Variants in ODAD2 observed in about 807,000 individuals in gnomAD.
ODAD2 encodes the protein outer dynein arm-docking complex subunit 2.
In ODAD2, 89 loss-of-function variants were observed where a neutral mutation model predicts 106.8. The ratio of observed to expected loss-of-function variants is 0.83; its 90% CI spans 0.70 to 0.99. The LOEUF is 0.99. Among genes scored for constraint, ODAD2 ranks in the 50% least tolerant of loss-of-function variants. The pLI is 0.00. For synonymous variants in ODAD2, 404 were observed against 436.2 expected (o/e 0.93, Z 0.92); for missense variants, 1,168 against 1,238.5 (o/e 0.94, Z 0.85).
intron 17 of ODAD2, among the ~76,000 whole-genome samples, chr10:27,907,219 T>C (rs143554548): frequency 2.0e-5 from 3 of 152,284 alleles, no homozygotes; most frequent in African/African-American, 4.8e-5. Context: ...GTGAGAGTCA[T>C]TGAAATCATG....
At chr10:27,894,704 G>A (rs939176864) in intron 17 of ODAD2, among the ~76,000 whole-genome samples, 1 of 150,306 alleles carries the variant, frequency 6.7e-6, no homozygotes, top group South Asian at 2.1e-4. Flanking sequence ...AGTCTCCAGA[G>A]TAGCTGGGAC....
At chr10:27,885,997 CAGA>C (rs1034900907) in intron 17 of ODAD2, among the ~76,000 whole-genome samples, 8 of 143,266 alleles carry the variant, frequency 5.6e-5, no homozygotes, top group East Asian at 2.0e-4. Context: ...GATATAACAG[CAGA>C]AGAAGAAGTC....
chr10:27,843,314 T>G (rs949259301), intron 19 of ODAD2, among the ~76,000 whole-genome samples: 1 of 152,240 alleles, frequency 6.6e-6, no homozygotes, highest in Non-Finnish European at 1.5e-5. Context: ...TCAATAGTAA[T>G]GTACAAACCA....
chr10:27,919,351 C>T (rs112023424), intron 16 of ODAD2, among the ~76,000 whole-genome samples: 2 of 152,118 alleles, frequency 1.3e-5, no homozygotes, highest in African/African-American at 4.8e-5. Flanking sequence ...TGACCTTCCT[C>T]ATATTAAAGG....
chr10:27,859,210 A>G (rs1839871397), intron 19 of ODAD2, among the ~76,000 whole-genome samples: 1 of 152,078 alleles, frequency 6.6e-6, no homozygotes. Context: ...CTTGAAGTTA[A>G]TGGTCCAATA....
chr10:27,998,495 G>C (rs1850689946), intron 1 of ODAD2, among the ~76,000 whole-genome samples: 1 of 152,118 alleles, frequency 6.6e-6, no homozygotes, highest in Admixed American at 6.5e-5. Flanking sequence ...GGAGAGGCAG[G>C]GAAGCGGCGG....
intron 8 of ODAD2, among the ~76,000 whole-genome samples, chr10:27,969,620 C>G (rs1848702822): frequency 6.6e-6 from 1 of 152,250 alleles, no homozygotes; most frequent in Non-Finnish European, 1.5e-5. Context: ...GAGCCAGTGT[C>G]TCCCCTCTCC....
intron 17 of ODAD2, among the ~76,000 whole-genome samples, chr10:27,878,077 G>T (rs1841463984): frequency 6.6e-6 from 1 of 151,972 alleles, no homozygotes; most frequent in Non-Finnish European, 1.5e-5. Flanking sequence ...AGAATCAAAA[G>T]AACCTTCACT....
At chr10:27,859,481 T>C (rs1839892330) in intron 19 of ODAD2, among the ~76,000 whole-genome samples, 1 of 152,164 alleles carries the variant, frequency 6.6e-6, no homozygotes, top group African/African-American at 2.4e-5. Flanking sequence ...GTACTATTCC[T>C]CCTAAGATGT....
At chr10:27,962,350 T>C (rs1409160861) in intron 9 of ODAD2, among the ~76,000 whole-genome samples, 2 of 152,246 alleles carry the variant, frequency 1.3e-5, no homozygotes, top group Non-Finnish European at 2.9e-5. Context: ...AAGTGCTCAA[T>C]GGCCCACGTG....
chr10:27,974,557 T>C (rs554730192), intron 7 of ODAD2, among the ~76,000 whole-genome samples: 6 of 152,284 alleles, frequency 3.9e-5, no homozygotes, highest in Middle Eastern at 3.4e-3. Context: ...GCCTTGTTTC[T>C]GGGCTCTCTA....
intron 19 of ODAD2, chr10:27,813,414 C>A (rs372760977): frequency 7.2e-4 from 110 of 152,312 alleles, no homozygotes; most frequent in African/African-American, 2.6e-3. Context: ...TGGCTTAATG[C>A]TTTCTGTCCT....
At chr10:27,872,841 G>C (rs566226243) in intron 17 of ODAD2, among the ~76,000 whole-genome samples, 1 of 152,244 alleles carries the variant, frequency 6.6e-6, no homozygotes, top group East Asian at 1.9e-4. Flanking sequence ...TCTCTGCCAG[G>C]CTTTGGTATC....
intron 17 of ODAD2, chr10:27,904,346 C>A: frequency 3.5e-6 from 1 of 289,152 alleles, no homozygotes; most frequent in Non-Finnish European, 7.1e-6. Flanking sequence ...GGAAGCAGAG[C>A]GGGAATCTTG....
At chr10:27,961,949 T>C (rs1260808323) in intron 9 of ODAD2, among the ~76,000 whole-genome samples, 2 of 152,128 alleles carry the variant, frequency 1.3e-5, no homozygotes, top group Non-Finnish European at 2.9e-5. Context: ...GCCTGTAATT[T>C]CAGCTACTCA....
intron 19 of ODAD2, chr10:27,836,054 A>G (rs7908626): frequency 0.71 from 109,259 of 153,346 alleles, 39,045 homozygotes; most frequent in Middle Eastern, 0.78. Context: ...AAGAGGAGGA[A>G]GAGGAAGAGG....
chr10:27,834,011 G>A (rs961021098), intron 19 of ODAD2, among the ~76,000 whole-genome samples: 1 of 152,212 alleles, frequency 6.6e-6, no homozygotes, highest in Non-Finnish European at 1.5e-5. Flanking sequence ...AGTGTGTGCA[G>A]CACCAAGGTG....
chr10:27,933,161 G>A (rs1298837050), intron 16 of ODAD2, among the ~76,000 whole-genome samples: 1 of 152,100 alleles, frequency 6.6e-6, no homozygotes. Flanking sequence ...AAGATGGGAG[G>A]ATTGCTTGAG....
At chr10:27,993,839 T>C (rs1588677060) in intron 2 of ODAD2, among the ~76,000 whole-genome samples, 3 of 152,238 alleles carry the variant, frequency 2.0e-5, no homozygotes, top group South Asian at 2.1e-4. Context: ...TACAGGAAGC[T>C]TTGGCTAGCT....
Sources: gnomAD v4.1 joint callset for allele counts (sites outside exome capture counted in the v4.1 genomes callset) on GRCh38, gnomAD v4.1.1 for gene constraint, MANE v1.5 for transcripts, NCBI Gene and HGNC (gene_info 2026-07-23, HGNC 2026-07-21) for gene names.